STARD3: variants seen among roughly 807,000 people sequenced by gnomAD.
STARD3 encodes StAR related lipid transfer domain containing 3.
STARD3 carries 39 observed loss-of-function variants against 62.0 expected under a neutral mutation model. The ratio of observed to expected loss-of-function variants is 0.63; its 90% CI spans 0.49 to 0.82. The LOEUF (loss-of-function observed/expected upper bound fraction) is 0.82, where lower values mean the gene tolerates loss of function less well. Ranked by LOEUF, STARD3 falls within the 40% of genes least tolerant of loss-of-function variation. The pLI is 0.00. For synonymous variants in STARD3, 229 were observed against 242.4 expected, an observed-to-expected ratio of 0.94 and a Z score of 0.51; for missense variants, 543 against 584.5, an observed-to-expected ratio of 0.93 and a Z score of 0.73.
Position 39,663,421 on chromosome 17 carries a change from AGGGCCTCCT to A in STARD3, c.*517_*525del. On this transcript the variant is annotated 3_prime_UTR_variant, in exon 15 of 15. Transcript: ENST00000336308. ...TCTCCCAGGCTGTCCCCCTCCTCCCAGGGCCTCCTGGGGGACCTTTGTATTAAGCCAATT... is the reference window on the plus strand; with the variant it reads ...TCTCCCAGGCTGTCCCCCTCCTCCCAGGGGGACCTTTGTATTAAGCCAATT... 1 of 238,696 alleles carries A rather than the reference AGGGCCTCCT, an allele frequency of 4.2e-6. No individual in the cohort carries two copies. Among genetic ancestry groups the A allele is most frequent in the Non-Finnish European group, 8.0e-6 (1 of 124,826 alleles). 14.8% of individuals were successfully genotyped at this position (238,696 alleles called of 1,614,324 possible). A position where few individuals can be genotyped will look rare whatever the true frequency, so the allele number is the denominator to read the frequency against.
At position 39,662,190 on chromosome 17, in the gene STARD3, C is replaced by CGG. The variant is rs140871738; in HGVS notation, c.1140-55_1140-54dup. On this transcript the variant is annotated intron_variant, in intron 13 of 14. Transcript: ENST00000336308. ...AATGGAGTGTGAGTGGTAGGGGCTG[C>CGG]GGGGGGGTGTCAGGGCCTCACTCTG... is the stretch of plus-strand genomic sequence containing the variant. The CGG allele has an allele frequency of 4.8e-6, 7 of 1,471,076 alleles. No homozygotes were observed. In the African/African-American group the frequency reaches 8.3e-5, roughly 17 times the overall value. 91.1% of individuals were successfully genotyped at this position (1,471,076 alleles called of 1,614,324 possible). A position where few individuals can be genotyped will look rare whatever the true frequency, so the allele number is the denominator to read the frequency against.
chr17:39,652,234 T>C (rs902111608), intron 1 of STARD3, among the ~76,000 whole-genome samples: 3 of 152,176 alleles, frequency 2.0e-5, no homozygotes, highest in African/African-American at 7.2e-5. Context: ...GCCCTGTTCC[T>C]GTCTGTTATG....
intron 1 of STARD3, 104 bp from the exon 2 acceptor site, chr17:39,653,377 C>T: frequency 2.6e-6 from 2 of 769,896 alleles, no homozygotes; most frequent in Non-Finnish European, 4.1e-6. Context: ...GGGCTTGGGA[C>T]CCAGTGTAGA....
intron 2 of STARD3, among the ~76,000 whole-genome samples, chr17:39,654,566 T>A (rs2057109403): frequency 6.8e-6 from 1 of 148,136 alleles, no homozygotes; most frequent in Admixed American, 6.7e-5. Context: ...CACAGTCTAG[T>A]TGGCAGTGGC....
intron 8 of STARD3, 74 bp downstream of exon 8, chr17:39,659,180 G>T: frequency 6.4e-7 from 1 of 1,570,570 alleles, no homozygotes; most frequent in South Asian, 1.1e-5. Flanking sequence ...GGGGTCAGCC[G>T]GGGTGGGCAG....
At position 39,658,587 on chromosome 17, in the gene STARD3, G is replaced by T. The variant is rs186056115; in HGVS notation, c.547+65G>T. The T allele has an allele frequency of 1.9e-6, 3 of 1,568,518 alleles. No homozygotes were observed. The African/African-American group carries it at 4.1e-5, about 21-fold the overall frequency. On this transcript the variant is annotated intron_variant, in intron 6 of 14. Coordinates refer to ENST00000336308, the MANE Select transcript of STARD3 (RefSeq NM_006804.4). ...CACAGCCCCAAGAGAGGGGAGTTGC[G>T]GGCATGAGAGTCAGTCTGAAGCATC... is the stretch of plus-strand genomic sequence containing the variant.
Position 39,645,500 on chromosome 17 carries a change from C to T in STARD3, c.-51-7981C>T, listed in dbSNP as rs141879120. ...GTTTTGTTTTTTTGAGACAGAGTCTCACTGTGTCACCCGGGCGGGGGTGCA... is the reference window on the plus strand; with the variant it reads ...GTTTTGTTTTTTTGAGACAGAGTCTTACTGTGTCACCCGGGCGGGGGTGCA... On this transcript the variant is annotated intron_variant, in intron 1 of 14. Coordinates refer to ENST00000336308, the MANE Select transcript of STARD3 (RefSeq NM_006804.4). 2.7e-3 allele frequency among the ~76,000 whole-genome samples: 405 copies of T among 152,264 alleles called. 3 individuals are homozygous for T. The Middle Eastern group carries it at 0.065, about 24-fold the overall frequency.
intron 5 of STARD3, 135 bp downstream of exon 5, chr17:39,658,161 G>A (rs1235383212): frequency 1.9e-6 from 2 of 1,042,144 alleles, no homozygotes; most frequent in Non-Finnish European, 2.9e-6. Flanking sequence ...CTGTCCTTTG[G>A]TATCTATAAG....
Position 39,658,710 on chromosome 17 carries a change from C to G in STARD3, c.548-12C>G, listed in dbSNP as rs1213361892. ...AACTGTCCTCGGTCCGGGACCGAGT[C>G]TGCTCCTCCAGGGTATCTTGCCGCC... is the stretch of plus-strand genomic sequence containing the variant. On this transcript the variant is annotated splice_polypyrimidine_tract_variant and intron_variant, in intron 6 of 14. Coordinates refer to ENST00000336308, the MANE Select transcript of STARD3 (RefSeq NM_006804.4). The G allele has an allele frequency of 6.2e-7, 1 of 1,613,780 alleles. No individual in the cohort carries two copies.
In STARD3 at chr17:39,663,451, C is replaced by A; in HGVS notation, c.*543C>A. 5.6e-6 allele frequency: 1 copy of A among 179,542 alleles called. No homozygotes were observed. The highest frequency in any genetic ancestry group is 1.1e-5 in the Non-Finnish European group (1 of 87,202). 11.1% of individuals were successfully genotyped at this position (179,542 alleles called of 1,614,324 possible). A position where few individuals can be genotyped will look rare whatever the true frequency, so the allele number is the denominator to read the frequency against. Reference sequence around the variant, plus strand: ...CTCCTGGGGGACCTTTGTATTAAGCCAATTAAAAACATGAATTTAAAAAAA... The same window carrying A: ...CTCCTGGGGGACCTTTGTATTAAGCAAATTAAAAACATGAATTTAAAAAAA... On this transcript the variant is annotated 3_prime_UTR_variant, in exon 15 of 15. Transcript: ENST00000336308.
chr17:39,640,814 C>T (rs1023662449), intron 1 of STARD3, among the ~76,000 whole-genome samples: 8 of 150,710 alleles, frequency 5.3e-5, no homozygotes, highest in African/African-American at 9.7e-5. Flanking sequence ...AGAGCCTCCC[C>T]GGCTGGGGGG....
At chr17:39,653,782 T>C (rs1157014177) in intron 2 of STARD3, 32 bp downstream of exon 2, 2 of 1,611,908 alleles carry the variant, frequency 1.2e-6, no homozygotes, top group Admixed American at 3.3e-5. Flanking sequence ...GCACAGGCCA[T>C]GTTGCAGGCC....
intron 1 of STARD3, among the ~76,000 whole-genome samples, chr17:39,639,884 C>T (rs982570010): frequency 5.9e-5 from 9 of 152,222 alleles, no homozygotes; most frequent in Non-Finnish European, 1.2e-4. Context: ...TCAGATGGCC[C>T]CTCCTCCCTG....
intron 1 of STARD3, among the ~76,000 whole-genome samples, chr17:39,644,587 G>T (rs1435325522): frequency 6.7e-6 from 1 of 149,466 alleles, no homozygotes; most frequent in Non-Finnish European, 1.5e-5. Context: ...TGTAATTCCA[G>T]CACTTTGGGA....
intron 14 of STARD3, chr17:39,662,551 C>T: frequency 1.6e-6 from 1 of 636,508 alleles, no homozygotes; most frequent in Non-Finnish European, 2.7e-6. Context: ...CTTCTTACCT[C>T]TGAGTCCTGA....
In STARD3 at chr17:39,653,755, G is replaced by T. The variant is rs367750488; in HGVS notation, c.219+5G>T. ...CTCTGGATCATCGAACTGAATGTGA[G>T]TGGGGGCGAGGTGGGGGCACAGGCC... On this transcript the variant is annotated splice_donor_5th_base_variant and intron_variant, in intron 2 of 14. Transcript: ENST00000336308. The T allele has an allele frequency of 2.8e-5, 45 of 1,613,942 alleles. No homozygotes were observed. The highest frequency in any genetic ancestry group is 3.5e-5 in the Non-Finnish European group (41 of 1,179,972).
intron 3 of STARD3, 84 bp downstream of exon 3, chr17:39,657,169 C>A: frequency 1.5e-6 from 2 of 1,342,188 alleles, no homozygotes; most frequent in Non-Finnish European, 2.1e-6. Flanking sequence ...CTTTTGGCAG[C>A]ATATATCCAG....
rs1212649432 is a variant in STARD3, at chr17:39,660,790, T to C, written c.955-20T>C. The C allele has an allele frequency of 6.4e-7, 1 of 1,559,268 alleles. No homozygotes were observed. Among genetic ancestry groups the C allele is most frequent in the South Asian group, 1.2e-5 (1 of 81,292 alleles). On this transcript the variant is annotated intron_variant, in intron 11 of 14. Transcript: ENST00000336308. This position sits in a 1 kb window ranked among gnomAD's most constrained non-coding sequence, Gnocchi z 4.8. ...TTCCTGGGGCGACCTGTTCCAAAAG[T>C]CTCCGTTGACGGCCCTCAGATCCTG...
intron 9 of STARD3, 188 bp downstream of exon 9, chr17:39,659,741 C>T (rs1418578491): frequency 2.1e-6 from 1 of 485,574 alleles, no homozygotes; most frequent in East Asian, 3.9e-5. Context: ...TGCCCCTTGG[C>T]CCCCCTTCCC....
Sources: gnomAD v4.1 joint callset for allele counts (sites outside exome capture counted in the v4.1 genomes callset) on GRCh38, gnomAD v4.1.1 for gene constraint, Gnocchi (gnomAD v3.1) non-coding constraint, MANE v1.5 for transcripts, NCBI Gene and HGNC (gene_info 2026-07-23, HGNC 2026-07-21) for gene names.